The following COL18A1 variants were observed in gnomAD, a reference collection of about 807,000 sequenced individuals.
COL18A1 encodes collagen type XVIII alpha 1 chain.
In COL18A1, 133 loss-of-function variants were observed where a neutral mutation model predicts 168.0. The observed-to-expected ratio is 0.79, with a 90% CI of 0.69 to 0.91. The LOEUF is 0.91. COL18A1 is among the 40% of genes least tolerant of loss of function. COL18A1 has a pLI of 0.00. For missense variants in COL18A1, 2,126 were observed against 1,925.4 expected, an observed-to-expected ratio of 1.10 and a Z score of -1.95; for synonymous variants, 949 against 809.0, an observed-to-expected ratio of 1.17 and a Z score of -2.94.
intron 20 of COL18A1, 35 bp from the exon 21 acceptor site, chr21:45,490,801 G>C (rs997001028): frequency 9.0e-6 from 14 of 1,548,994 alleles, no homozygotes; most frequent in Non-Finnish European, 1.2e-5. Context: ...TCCTGTTTCT[G>C]TTGGTGATGA....
chr21:45,470,479 GGGTTTTTTTTTT>G (rs1220278541), intron 3 of COL18A1, among the ~76,000 whole-genome samples: 1 of 68,550 alleles, frequency 1.5e-5, no homozygotes, highest in African/African-American at 9.9e-5. Flanking sequence ...GTTTTTTTGT[GGGTTTTTTTTTT>G]GTTTTTTTTT....
rs2037737398 is a variant in COL18A1 at position 45,513,644 on chromosome 21, C to T, written c.*1246C>T. 1.3e-5 allele frequency: 2 copies of T among 152,274 alleles called. No individual in the cohort carries two copies. The highest frequency in any genetic ancestry group is 4.8e-5 in the African/African-American group (2 of 41,470). The allele number at this position is 152,274 out of a possible 1,614,324, so 9.4% of individuals were successfully genotyped here. A position where few individuals can be genotyped will look rare whatever the true frequency, so the allele number is the denominator to read the frequency against. On this transcript the variant is annotated 3_prime_UTR_variant, in exon 42 of 42. Coordinates refer to ENST00000651438, the MANE Select transcript of COL18A1 (RefSeq NM_001379500.1). ...ACCTGCCTCAGGACTGCGACGAAAC[C>T]GGTGGGGCTGGTTCTGTAATTGTGT...
At position 45,506,065 on chromosome 21, in the gene COL18A1, G is replaced by A. The variant is rs1390984907; in HGVS notation, c.3216+99G>A. 2.6e-6 allele frequency: 4 copies of A among 1,567,874 alleles called. No homozygotes were observed. The East Asian group carries it at 9.0e-5, about 35-fold the overall frequency. ...GAGGCTCAGGCCCCGGACAGGGATG[G>A]GAGCAGGTGGCAGCCAGCGCTTCTT... On this transcript the variant is annotated intron_variant, in intron 37 of 41. Coordinates refer to ENST00000651438, the MANE Select transcript of COL18A1 (RefSeq NM_001379500.1).
At chr21:45,484,560 T>A (rs1431594486) in intron 15 of COL18A1, among the ~76,000 whole-genome samples, 1 of 152,256 alleles carries the variant, frequency 6.6e-6, no homozygotes, top group Non-Finnish European at 1.5e-5. Flanking sequence ...ACAGCTCTCA[T>A]GTATGTGCAC....
chr21:45,428,604 G>A (rs1476252509), intron 2 of COL18A1, among the ~76,000 whole-genome samples: 1 of 152,170 alleles, frequency 6.6e-6, no homozygotes, highest in African/African-American at 2.4e-5. Context: ...CGGAGAGAGG[G>A]AGCCCTGGGC....
chr21:45,463,897 A>G lies in COL18A1; in HGVS notation c.107-4345A>G, dbSNP rs1227995449. ...GGGCAACAAGAGCGAAACTCCATCT[A>G]AAAAAAAAAAAGAAAAGGAAAGAAA... On this transcript the variant is annotated intron_variant, in intron 2 of 41. Transcript: ENST00000651438. The surrounding 1 kb of genome is among the most constrained non-coding windows in gnomAD (Gnocchi z 4.0). Among the ~76,000 whole-genome samples, 2 of 132,252 alleles carry G rather than the reference A, an allele frequency of 1.5e-5. No individual in the cohort carries two copies. Among genetic ancestry groups the G allele is most frequent in the Non-Finnish European group, 1.5e-5 (1 of 65,294 alleles). 86.8% of individuals were successfully genotyped at this position (132,252 alleles called of 152,430 possible).
intron 32 of COL18A1, among the ~76,000 whole-genome samples, chr21:45,503,738 T>G (rs74648294): frequency 2.4e-4 from 36 of 151,952 alleles, no homozygotes; most frequent in Admixed American, 3.9e-4. Context: ...TATACATATG[T>G]AACTAACCTG....
chr21:45,437,453 CAG>C (rs1382831790), intron 2 of COL18A1, among the ~76,000 whole-genome samples: 2 of 63,930 alleles, frequency 3.1e-5, no homozygotes, highest in African/African-American at 9.2e-5. Context: ...CACTCACTCA[CAG>C]ACAGACACAC....
Position 45,504,049 on chromosome 21 carries a change from A to C in COL18A1, c.2722A>C (p.Met908Leu). The change falls in exon 33 of 42, where the codon ATG (methionine) becomes CTG (leucine). Residue 908 changes from methionine (M) to leucine (L), a missense_variant. Met to Leu is a conservative substitution (Grantham distance 15, BLOSUM62 2). Transcript: ENST00000651438. ...TGACTTTCTTCAGTTGGAGGCTGAA[A>C]TGAAGGTGGGTGACCTCCCTGTGGG... ...PFDFLQLEAE[M>L]KGEKGDRGDA... is the part of the protein sequence containing the mutation. 6.2e-7 allele frequency: 1 copy of C among 1,613,644 alleles called. No homozygotes were observed. The highest frequency in any genetic ancestry group is 8.5e-7 in the Non-Finnish European group (1 of 1,179,956).
At position 45,457,311 on chromosome 21, in the gene COL18A1, C is replaced by T. The variant is rs1329386275; in HGVS notation, c.107-10931C>T. 1.3e-5 allele frequency among the ~76,000 whole-genome samples: 2 copies of T among 152,306 alleles called. No individual in the cohort carries two copies. The highest frequency in any genetic ancestry group is 1.9e-4 in the East Asian group (1 of 5,184). Reference sequence around the variant, plus strand: ...GGTCACTAAGCTGCACGGTTCGATGCGCTTCCTGGGAGCCCCAGCGTGCTC... The same window carrying T: ...GGTCACTAAGCTGCACGGTTCGATGTGCTTCCTGGGAGCCCCAGCGTGCTC... On this transcript the variant is annotated intron_variant, in intron 2 of 41. Transcript: ENST00000651438. The surrounding 1 kb of genome is among the most constrained non-coding windows in gnomAD (Gnocchi z 4.6).
intron 32 of COL18A1, among the ~76,000 whole-genome samples, chr21:45,501,138 C>T (rs2036797626): frequency 6.6e-6 from 1 of 151,220 alleles, no homozygotes; most frequent in African/African-American, 2.4e-5. Flanking sequence ...AAAGTATATC[C>T]TGGAGTAAGA....
chr21:45,418,274 T>TGTGGTAGGGTG (rs1355958367), intron 2 of COL18A1, among the ~76,000 whole-genome samples: 1 of 152,196 alleles, frequency 6.6e-6, no homozygotes, highest in Non-Finnish European at 1.5e-5. Flanking sequence ...GGCCCCCGGC[T>TGTGGTAGGGTG]GCCGAAGTGG....
Position 45,468,232 on chromosome 21 carries a change from C to A in COL18A1, c.107-10C>A. 1 of 1,612,884 alleles carries A rather than the reference C, an allele frequency of 6.2e-7. No homozygotes were observed. ...CACAGCCACCTCACCAGCTGTCTTT[C>A]TTTTTGCAGAGCGCATCAGCGAGGA... On this transcript the variant is annotated splice_polypyrimidine_tract_variant and intron_variant, in intron 2 of 41. Transcript: ENST00000651438.
At chr21:45,481,157 C>T (rs181285212) in intron 13 of COL18A1, among the ~76,000 whole-genome samples, 175 of 152,296 alleles carry the variant, frequency 1.1e-3, no homozygotes, top group African/African-American at 4.0e-3. Context: ...TCTCCATGAG[C>T]AATTCCCATG....
chr21:45,479,448 TTACAC>T (rs1244010131), intron 9 of COL18A1, among the ~76,000 whole-genome samples: 15 of 151,824 alleles, frequency 9.9e-5, no homozygotes, highest in African/African-American at 3.1e-4. Flanking sequence ...ACACCACACA[TTACAC>T]ATACCACACG....
chr21:45,505,440 C>T lies in COL18A1; in HGVS notation c.3087+9C>T, dbSNP rs768712841. On this transcript the variant is annotated intron_variant, in intron 36 of 41. Transcript: ENST00000651438. ...TGGGCGCCTCCTCAGGGGTAAGTGTCTGGGCAGCCGGCTGGGCACCTGCGT... is the reference window on the plus strand; with the variant it reads ...TGGGCGCCTCCTCAGGGGTAAGTGTTTGGGCAGCCGGCTGGGCACCTGCGT... The T allele has an allele frequency of 9.6e-6, 14 of 1,450,890 alleles. No homozygotes were observed. Among genetic ancestry groups the T allele is most frequent in the Non-Finnish European group, 1.3e-5 (14 of 1,061,902 alleles). 89.9% of individuals were successfully genotyped at this position (1,450,890 alleles called of 1,614,324 possible). A position where few individuals can be genotyped will look rare whatever the true frequency, so the allele number is the denominator to read the frequency against.
intron 2 of COL18A1, among the ~76,000 whole-genome samples, chr21:45,438,081 C>T (rs200900422): frequency 3.9e-5 from 5 of 129,794 alleles, no homozygotes; most frequent in South Asian, 2.5e-4. Context: ...CAGACAAGCA[C>T]TCTCCTGCAC....
chr21:45,415,152 G>A (rs934548955), intron 2 of COL18A1, among the ~76,000 whole-genome samples: 2 of 152,170 alleles, frequency 1.3e-5, no homozygotes, highest in African/African-American at 2.4e-5. Flanking sequence ...TTGGTTCACC[G>A]AAGGGGTGGC....
intron 31 of COL18A1, among the ~76,000 whole-genome samples, 186 bp from the exon 32 acceptor site, chr21:45,497,413 A>T (rs981348155): frequency 2.0e-5 from 3 of 152,158 alleles, no homozygotes; most frequent in African/African-American, 7.2e-5. Context: ...TGGCCCCCAC[A>T]TGGCCTGCTG....
Sources: gnomAD v4.1 joint callset for allele counts (sites outside exome capture counted in the v4.1 genomes callset) on GRCh38, gnomAD v4.1.1 for gene constraint, Gnocchi (gnomAD v3.1) non-coding constraint, MANE v1.5 for transcripts, NCBI Gene and HGNC (gene_info 2026-07-23, HGNC 2026-07-21) for gene names.